XKR6: variants seen among roughly 807,000 people sequenced by gnomAD.
The protein encoded by XKR6 is XK-related protein 6.
XKR6 carries 22 observed loss-of-function variants against 56.7 expected under a neutral mutation model. That is an observed-to-expected ratio of 0.39 (90% confidence interval 0.28 to 0.55). The LOEUF (loss-of-function observed/expected upper bound fraction) is 0.55, where lower values mean the gene tolerates loss of function less well. Among genes scored for constraint, XKR6 ranks in the 20% least tolerant of loss-of-function variants. The pLI is 0.66. For missense variants in XKR6, 852 were observed against 889.0 expected (o/e 0.96, Z 0.53); for synonymous variants, 524 against 387.8 (o/e 1.35, Z -4.13).
At chr8:10,973,867 G>T (rs1033432678) in intron 1 of XKR6, among the ~76,000 whole-genome samples, 1 of 152,234 alleles carries the variant, frequency 6.6e-6, no homozygotes, top group African/African-American at 2.4e-5. Flanking sequence ...TTACAGGCGT[G>T]AGCCACCACA....
intron 1 of XKR6, among the ~76,000 whole-genome samples, chr8:11,015,646 G>C (rs1162475917): frequency 6.6e-6 from 1 of 152,162 alleles, no homozygotes. Context: ...GGCTGCGTTC[G>C]GGACCCAGCG....
At chr8:11,057,536 GTT>G (rs1291466802) in intron 1 of XKR6, among the ~76,000 whole-genome samples, 2 of 152,226 alleles carry the variant, frequency 1.3e-5, no homozygotes, top group African/African-American at 2.4e-5. Flanking sequence ...TGAGGTAAGT[GTT>G]TTGCCCTCAT....
intron 1 of XKR6, among the ~76,000 whole-genome samples, chr8:11,046,309 A>G (rs1472299728): frequency 6.6e-6 from 1 of 152,198 alleles, no homozygotes; most frequent in Non-Finnish European, 1.5e-5. Flanking sequence ...CTGAGGCAGA[A>G]GAATCACTTG....
chr8:11,124,323 T>G (rs1334153926), intron 1 of XKR6: 2 of 321,830 alleles, frequency 6.2e-6, no homozygotes, highest in African/African-American at 4.3e-5. Context: ...ACTGGACTCT[T>G]GAGATCATCA....
chr8:10,961,559 G>A (rs988191440), intron 1 of XKR6, among the ~76,000 whole-genome samples: 3 of 152,182 alleles, frequency 2.0e-5, no homozygotes, highest in African/African-American at 7.2e-5. Flanking sequence ...GAAACCCAAA[G>A]AGAAATTCAG....
At chr8:11,043,740 G>C (rs907980507) in intron 1 of XKR6, among the ~76,000 whole-genome samples, 1 of 152,226 alleles carries the variant, frequency 6.6e-6, no homozygotes, top group Non-Finnish European at 1.5e-5. Context: ...TCCCGCCCAT[G>C]ACAGGACAGG....
Position 10,996,564 on chromosome 8 carries a change from C to A in XKR6, c.765-71734G>T, listed in dbSNP as rs75662137. Among the ~76,000 whole-genome samples, 725 of 152,184 alleles carry A rather than the reference C, an allele frequency of 4.8e-3. 3 individuals carry two copies. Among genetic ancestry groups the A allele is most frequent in the African/African-American group, 0.017 (703 of 41,506 alleles). Reference sequence around the variant, plus strand: ...CTTTGAAGAACAGAACACCATACACCCCCAGCTCCAATCTCTTAGGTTTTT... The same window carrying A: ...CTTTGAAGAACAGAACACCATACACACCCAGCTCCAATCTCTTAGGTTTTT... On this transcript the variant is annotated intron_variant, in intron 1 of 2. Transcript: ENST00000416569.
intron 1 of XKR6, among the ~76,000 whole-genome samples, chr8:10,997,393 C>T (rs1205940832): frequency 1.3e-5 from 2 of 152,198 alleles, no homozygotes; most frequent in Non-Finnish European, 2.9e-5. Flanking sequence ...CTGTCCAAGG[C>T]TACATAGCCA....
At chr8:10,973,879 C>T (rs1802477250) in intron 1 of XKR6, among the ~76,000 whole-genome samples, 1 of 152,364 alleles carries the variant, frequency 6.6e-6, no homozygotes, top group South Asian at 2.1e-4. Flanking sequence ...GCCACCACAC[C>T]TGTCCACTAT....
At chr8:11,152,959 C>A (rs534104583) in intron 1 of XKR6, among the ~76,000 whole-genome samples, 16 of 152,300 alleles carry the variant, frequency 1.1e-4, no homozygotes, top group Admixed American at 1.0e-3. Context: ...TGCACTAGCT[C>A]ACAGAATGCC....
intron 1 of XKR6, among the ~76,000 whole-genome samples, chr8:10,944,739 T>C (rs1801485737): frequency 6.6e-6 from 1 of 152,002 alleles, no homozygotes; most frequent in East Asian, 1.9e-4. Flanking sequence ...GCCCCCAACA[T>C]ACCCTAGAGC....
chr8:11,028,777 C>T (rs1302410080), intron 1 of XKR6, among the ~76,000 whole-genome samples: 1 of 152,184 alleles, frequency 6.6e-6, no homozygotes, highest in Non-Finnish European at 1.5e-5. Context: ...TATCTTGTCC[C>T]ATTGACCCTC....
At chr8:10,904,149 C>T (rs145982586) in intron 2 of XKR6, among the ~76,000 whole-genome samples, 18 of 152,270 alleles carry the variant, frequency 1.2e-4, no homozygotes, top group African/African-American at 3.1e-4. Flanking sequence ...TTGGCTGTGA[C>T]GAGCTCTGAG....
chr8:11,084,191 A>G (rs1019370016), intron 1 of XKR6, among the ~76,000 whole-genome samples: 2 of 152,264 alleles, frequency 1.3e-5, no homozygotes, highest in African/African-American at 2.4e-5. Context: ...ATCCACAAAC[A>G]GTGCTTACTG....
chr8:11,030,625 C>G (rs6601549), intron 1 of XKR6, among the ~76,000 whole-genome samples: 40,217 of 152,130 alleles, frequency 0.26, 11,716 homozygotes, highest in African/African-American at 0.73. Flanking sequence ...CCACAAGTGA[C>G]AGGGACATTC....
At chr8:11,025,056 A>G (rs1386890515) in intron 1 of XKR6, among the ~76,000 whole-genome samples, 1 of 152,212 alleles carries the variant, frequency 6.6e-6, no homozygotes, top group African/African-American at 2.4e-5. Flanking sequence ...TGATGGGAAC[A>G]AGGGATCCCC....
At chr8:11,129,973 T>C (rs1224300557) in intron 1 of XKR6, among the ~76,000 whole-genome samples, 1 of 152,092 alleles carries the variant, frequency 6.6e-6, no homozygotes, top group Non-Finnish European at 1.5e-5. Context: ...AATTCTTAGT[T>C]CCAGATTGAA....
At chr8:11,108,480 C>A in intron 1 of XKR6, 1 of 398,942 alleles carries the variant, frequency 2.5e-6, no homozygotes, top group Non-Finnish European at 4.9e-6. Context: ...AAAAACAGGA[C>A]ATTAGTACTC....
chr8:11,122,862 G>A (rs1208147065), intron 1 of XKR6, among the ~76,000 whole-genome samples: 1 of 152,100 alleles, frequency 6.6e-6, no homozygotes. Flanking sequence ...AAACTAGACA[G>A]GAAAAAGTAA....
Sources: gnomAD v4.1 joint callset for allele counts (sites outside exome capture counted in the v4.1 genomes callset) on GRCh38, gnomAD v4.1.1 for gene constraint, MANE v1.5 for transcripts, NCBI Gene and HGNC (gene_info 2026-07-23, HGNC 2026-07-21) for gene names.